FBP2: variants seen among roughly 807,000 people sequenced by gnomAD.
The protein encoded by FBP2 is fructose-1,6-bisphosphatase isozyme 2.
In FBP2, 27 loss-of-function variants were observed where a neutral mutation model predicts 31.6. The observed-to-expected ratio is 0.85, with a 90% CI of 0.63 to 1.18. The LOEUF is 1.18. FBP2 is among the 50% of genes most tolerant of loss of function. FBP2 has a pLI of 0.00. For synonymous variants in FBP2, 168 were observed against 179.8 expected (o/e 0.93, Z 0.53); for missense variants, 421 against 436.1 (o/e 0.97, Z 0.31).
At position 94,561,352 on chromosome 9, in the gene FBP2, A is replaced by ACTTTTTTTTT. The variant is rs1827097696; in HGVS notation, c.825+1989_825+1990insAAAAAAAAAG. Among the ~76,000 whole-genome samples, 6 of 54,988 alleles carry ACTTTTTTTTT rather than the reference A, an allele frequency of 1.1e-4. 1 individual carries two copies. The highest frequency in any genetic ancestry group is 4.7e-4 in the African/African-American group (6 of 12,802). The allele number at this position is 54,988 out of a possible 152,430, so 36.1% of individuals were successfully genotyped here. A position where few individuals can be genotyped will look rare whatever the true frequency, so the allele number is the denominator to read the frequency against. ...GCAGGCCATGTGACATGTGACCTGT[A>ACTTTTTTTTT]TTTTTTTTTTTTTTTTTTTTTTTTT... is the stretch of plus-strand genomic sequence containing the variant. On this transcript the variant is annotated intron_variant, in intron 6 of 6. Transcript: ENST00000375337.
At chr9:94,584,422 G>A (rs893408363) in intron 3 of FBP2, among the ~76,000 whole-genome samples, 155 bp downstream of exon 3, 1 of 152,174 alleles carries the variant, frequency 6.6e-6, no homozygotes, top group Non-Finnish European at 1.5e-5. Context: ...CTAATGAGGA[G>A]CCCCAGGCAG....
At chr9:94,588,401 C>T (rs982619871) in intron 1 of FBP2, among the ~76,000 whole-genome samples, 3 of 152,064 alleles carry the variant, frequency 2.0e-5, no homozygotes, top group Non-Finnish European at 2.9e-5. Flanking sequence ...GCGTGTAGGT[C>T]GCTTGAGCCC....
intron 1 of FBP2, among the ~76,000 whole-genome samples, chr9:94,590,687 G>A (rs962175833): frequency 6.6e-6 from 1 of 152,210 alleles, no homozygotes; most frequent in Non-Finnish European, 1.5e-5. Context: ...AGCAGCAAGA[G>A]CGAAAGAACA....
At chr9:94,583,401 A>G (rs187199137) in intron 3 of FBP2, among the ~76,000 whole-genome samples, 41 of 152,374 alleles carry the variant, frequency 2.7e-4, no homozygotes, top group Admixed American at 2.2e-3. Context: ...ACACTTGTGC[A>G]TGAATTAAGG....
At chr9:94,575,698 A>G (rs1263230224) in intron 3 of FBP2, among the ~76,000 whole-genome samples, 1 of 152,154 alleles carries the variant, frequency 6.6e-6, no homozygotes, top group African/African-American at 2.4e-5. Context: ...ATGTTTTCCA[A>G]AGTAGTTATA....
intron 3 of FBP2, among the ~76,000 whole-genome samples, chr9:94,582,659 T>C (rs1827384313): frequency 6.6e-6 from 1 of 151,252 alleles, no homozygotes; most frequent in African/African-American, 2.4e-5. Flanking sequence ...GCCATTCTCC[T>C]GCCTCAGCCT....
At position 94,558,839 on chromosome 9, in the gene FBP2, CT is replaced by C; in HGVS notation, c.*98del. The C allele has an allele frequency of 1.7e-6, 2 of 1,156,258 alleles. No individual in the cohort carries two copies. Among genetic ancestry groups the C allele is most frequent in the Non-Finnish European group, 2.5e-6 (2 of 786,868 alleles). 71.6% of individuals were successfully genotyped at this position (1,156,258 alleles called of 1,614,324 possible). A position where few individuals can be genotyped will look rare whatever the true frequency, so the allele number is the denominator to read the frequency against. On this transcript the variant is annotated 3_prime_UTR_variant, in exon 7 of 7. Transcript: ENST00000375337. The stretch of plus-strand genomic sequence containing the variant: ...TCTGTATGTGATTAAGTGGATTTAC[CT>C]TTTGTATACTCATAGCTACCATCTC...
rs1207236700 is a variant in FBP2 at position 94,564,927 on chromosome 9, AAGG to A, written c.706-1469_706-1467del. 6.6e-5 allele frequency among the ~76,000 whole-genome samples: 10 copies of A among 152,298 alleles called. No homozygotes were observed. In the East Asian group the frequency reaches 1.4e-3, roughly 21 times the overall value. ...ATATGACATATTTTCAAAAAGCTAGAAGGAGGATATTGAATGTTCCCAACACAA... is the reference window on the plus strand; with the variant it reads ...ATATGACATATTTTCAAAAAGCTAGAAGGATATTGAATGTTCCCAACACAA... On this transcript the variant is annotated intron_variant, in intron 5 of 6. Coordinates refer to ENST00000375337, the MANE Select transcript of FBP2 (RefSeq NM_003837.4).
intron 1 of FBP2, 29 bp downstream of exon 1, chr9:94,593,528 G>T: frequency 1.2e-6 from 2 of 1,600,038 alleles, no homozygotes; most frequent in Non-Finnish European, 1.7e-6. Flanking sequence ...GGGGTGCTCT[G>T]TGCCCCATGC....
intron 2 of FBP2, among the ~76,000 whole-genome samples, chr9:94,585,399 G>A (rs547071193): frequency 1.3e-5 from 2 of 152,220 alleles, no homozygotes; most frequent in Admixed American, 6.5e-5. Flanking sequence ...CAGCGATCCC[G>A]GCAGCAAGGC....
At chr9:94,571,660 G>A (rs1827271901) in intron 3 of FBP2, 58 bp from the exon 4 acceptor site, 5 of 1,494,242 alleles carry the variant, frequency 3.3e-6, no homozygotes, top group Admixed American at 2.0e-5. Context: ...AGAACACTTT[G>A]CCAGGGGCCT....
chr9:94,589,522 C>G (rs930851855), intron 1 of FBP2, among the ~76,000 whole-genome samples: 2 of 152,234 alleles, frequency 1.3e-5, no homozygotes, highest in Non-Finnish European at 2.9e-5. Context: ...CCCAGACACA[C>G]AGCCCATGCT....
intron 4 of FBP2, chr9:94,569,316 C>G (rs1827239646): frequency 6.6e-6 from 1 of 152,310 alleles, no homozygotes. Context: ...CTTCCTGGTC[C>G]TCTAGTCCTG....
rs1470070929 is a variant in FBP2 at position 94,567,252 on chromosome 9, C to T, written c.705+18G>A. 1.9e-6 allele frequency: 3 copies of T among 1,613,924 alleles called. No homozygotes were observed. The highest frequency in any genetic ancestry group is 2.5e-6 in the Non-Finnish European group (3 of 1,179,970). On this transcript the variant is annotated intron_variant, in intron 5 of 6. Transcript: ENST00000375337. ...GGACAGCATTCTGTCTGCCACCCAC[C>T]TGGCTTTCTTCACTCACCTCAGGGA...
rs1564189298 is a variant in FBP2 at position 94,593,572 on chromosome 9, G to GC, written c.154dup (p.Ala52GlyfsTer14). 6.2e-7 allele frequency: 1 copy of GC among 1,613,712 alleles called. No homozygotes were observed. The highest frequency in any genetic ancestry group is 2.2e-5 in the East Asian group (1 of 44,860). On this transcript the variant is annotated frameshift_variant, in exon 1 of 7. Coordinates refer to ENST00000375337, the MANE Select transcript of FBP2 (RefSeq NM_003837.4). LOFTEE classifies it high-confidence loss of function. ...CAGGACTCACAGGTGGGCCAGACCG[G>GC]CCTTGCGCACAGCCGAGGAGATGGC... is the stretch of plus-strand genomic sequence containing the variant.
At chr9:94,583,818 C>G (rs60803903) in intron 3 of FBP2, among the ~76,000 whole-genome samples, 5 of 152,122 alleles carry the variant, frequency 3.3e-5, no homozygotes, top group Non-Finnish European at 5.9e-5. Flanking sequence ...AGACTGGTCT[C>G]GACCACCTAG....
chr9:94,582,571 G>A (rs35662608), intron 3 of FBP2, among the ~76,000 whole-genome samples: 5,593 of 137,014 alleles, frequency 0.041, 213 homozygotes, highest in East Asian at 0.16. Flanking sequence ...TTTTTGAGAC[G>A]GAGTCTCGCT....
chr9:94,580,325 G>C (rs761464721), intron 3 of FBP2, among the ~76,000 whole-genome samples: 1 of 152,184 alleles, frequency 6.6e-6, no homozygotes, highest in African/African-American at 2.4e-5. Flanking sequence ...CCGCCTCCTA[G>C]GTTCAAGTGA....
At chr9:94,561,764 A>C (rs1385146640) in intron 6 of FBP2, among the ~76,000 whole-genome samples, 1 of 151,512 alleles carries the variant, frequency 6.6e-6, no homozygotes, top group Non-Finnish European at 1.5e-5. Flanking sequence ...ACACACACAC[A>C]GAGAGACGTC....
Sources: gnomAD v4.1 joint callset for allele counts (sites outside exome capture counted in the v4.1 genomes callset) on GRCh38, gnomAD v4.1.1 for gene constraint, MANE v1.5 for transcripts, NCBI Gene and HGNC (gene_info 2026-07-23, HGNC 2026-07-21) for gene names.